UCK2: variants seen among roughly 807,000 people sequenced by gnomAD.
UCK2 encodes uridine-cytidine kinase 2.
A neutral mutation model predicts 30.8 loss-of-function variants in UCK2; 6 were observed. That is an observed-to-expected ratio of 0.19 (90% CI 0.11 to 0.38). The LOEUF (loss-of-function observed/expected upper bound fraction) is 0.38, where lower values mean the gene tolerates loss of function less well. Ranked by LOEUF, UCK2 falls within the 10% of genes least tolerant of loss-of-function variation. UCK2 has a pLI of 1.00. For synonymous variants in UCK2, 125 were observed against 133.6 expected (o/e 0.94, Z 0.45); for missense variants, 210 against 339.8 (o/e 0.62, Z 3.00).
chr1:165,895,602 C>G (rs1655877601), intron 3 of UCK2: 1 of 985,500 alleles, frequency 1.0e-6, no homozygotes, highest in African/African-American at 1.7e-5. Context: ...CCAGACCAGA[C>G]AGACGTCGGG....
At chr1:165,854,828 T>G (rs1450329695) in intron 1 of UCK2, among the ~76,000 whole-genome samples, 1 of 152,192 alleles carries the variant, frequency 6.6e-6, no homozygotes, top group African/African-American at 2.4e-5. Context: ...TGCTTTATTC[T>G]GGTCCTCTAA....
intron 1 of UCK2, among the ~76,000 whole-genome samples, chr1:165,857,069 C>G (rs16851839): frequency 0.046 from 7,001 of 152,168 alleles, 421 homozygotes; most frequent in African/African-American, 0.13. Context: ...ATCTTCACAT[C>G]TGCTTTCTCG....
chr1:165,907,572 C>A, intron 6 of UCK2, 112 bp from the exon 7 acceptor site: 2 of 1,447,494 alleles, frequency 1.4e-6, no homozygotes, highest in Non-Finnish European at 1.9e-6. Flanking sequence ...AGCCACTTCC[C>A]TGGAAGTCTT....
chr1:165,860,461 CT>C (rs964974616), intron 1 of UCK2, among the ~76,000 whole-genome samples: 1 of 151,954 alleles, frequency 6.6e-6, no homozygotes, highest in Non-Finnish European at 1.5e-5. Context: ...CAGGGTCTCA[CT>C]TTTTGAGACG....
At chr1:165,900,601 G>C (rs1324107667) in intron 4 of UCK2, 1 of 152,220 alleles carries the variant, frequency 6.6e-6, no homozygotes, top group Non-Finnish European at 1.5e-5. Context: ...TCTCTCCAGT[G>C]ACAAAACAGC....
At chr1:165,893,078 A>T (rs1655809765) in intron 3 of UCK2, among the ~76,000 whole-genome samples, 1 of 152,122 alleles carries the variant, frequency 6.6e-6, no homozygotes, top group South Asian at 2.1e-4. Context: ...AGGAGAGAGG[A>T]TCTGCAATGC....
At chr1:165,901,965 A>AAAT (rs61514166) in intron 4 of UCK2, among the ~76,000 whole-genome samples, 1 of 149,646 alleles carries the variant, frequency 6.7e-6, no homozygotes, top group African/African-American at 2.5e-5. Context: ...AAAAAAAAAA[A>AAAT]GGCTCACACC....
intron 1 of UCK2, among the ~76,000 whole-genome samples, chr1:165,839,358 C>T (rs892545377): frequency 4.6e-5 from 7 of 152,116 alleles, no homozygotes; most frequent in African/African-American, 1.7e-4. Flanking sequence ...TGTCTGACTA[C>T]AGAGGGATGA....
At chr1:165,841,550 T>C (rs1016506783) in intron 1 of UCK2, among the ~76,000 whole-genome samples, 2 of 152,198 alleles carry the variant, frequency 1.3e-5, no homozygotes, top group African/African-American at 4.8e-5. Flanking sequence ...TTCCTGCTCC[T>C]GAAAGAAAAG....
chr1:165,894,311 C>T (rs1655839176), intron 3 of UCK2: 1 of 152,160 alleles, frequency 6.6e-6, no homozygotes, highest in Non-Finnish European at 1.5e-5. Flanking sequence ...ACAAAGCCTT[C>T]CCACACTCTC....
chr1:165,834,596 A>G (rs1371508259), intron 1 of UCK2, among the ~76,000 whole-genome samples: 2 of 152,248 alleles, frequency 1.3e-5, no homozygotes, highest in Non-Finnish European at 2.9e-5. Flanking sequence ...ATGAGGGGGC[A>G]GTGGTTCTAA....
At chr1:165,827,962 T>G (rs1388889075) in intron 1 of UCK2, 30 bp downstream of exon 1, 6 of 1,296,138 alleles carry the variant, frequency 4.6e-6, no homozygotes, top group Non-Finnish European at 5.9e-6. Context: ...CGCGCTCCCT[T>G]CCCGGCTTCT....
At chr1:165,833,568 C>CT (rs1654108643) in intron 1 of UCK2, among the ~76,000 whole-genome samples, 1 of 152,134 alleles carries the variant, frequency 6.6e-6, no homozygotes, top group African/African-American at 2.4e-5. Context: ...GATGCTCACT[C>CT]TGTTTGTGGT....
At chr1:165,839,421 C>T (rs1175408432) in intron 1 of UCK2, among the ~76,000 whole-genome samples, 1 of 151,984 alleles carries the variant, frequency 6.6e-6, no homozygotes, top group Admixed American at 6.6e-5. Context: ...AGGAAGGGGT[C>T]AGGAGACATC....
chr1:165,880,175 C>T (rs936866536), intron 1 of UCK2, among the ~76,000 whole-genome samples: 1 of 152,216 alleles, frequency 6.6e-6, no homozygotes, highest in Non-Finnish European at 1.5e-5. Context: ...ATTGTGCTCT[C>T]TTGATCTATT....
chr1:165,868,402 T>A (rs1445051020), intron 1 of UCK2, among the ~76,000 whole-genome samples: 1 of 152,228 alleles, frequency 6.6e-6, no homozygotes, highest in Non-Finnish European at 1.5e-5. Flanking sequence ...TGCGAAAGTC[T>A]TAGATGGCAT....
At chr1:165,841,269 C>T (rs550124229) in intron 1 of UCK2, among the ~76,000 whole-genome samples, 10 of 152,008 alleles carry the variant, frequency 6.6e-5, no homozygotes, top group South Asian at 2.1e-4. Context: ...CTGCATCCTC[C>T]GCCTCCTAGG....
intron 1 of UCK2, among the ~76,000 whole-genome samples, chr1:165,858,802 A>T (rs1654817389): frequency 6.6e-6 from 1 of 152,142 alleles, no homozygotes; most frequent in Admixed American, 6.5e-5. Context: ...AAGAAAATGG[A>T]ATGCTGATGG....
chr1:165,835,555 G>A (rs1394972007), intron 1 of UCK2, among the ~76,000 whole-genome samples: 1 of 151,932 alleles, frequency 6.6e-6, no homozygotes, highest in Non-Finnish European at 1.5e-5. Context: ...AGTTGAAAAG[G>A]AAGTGATTTC....
Sources: allele counts gnomAD v4.1 joint callset (sites outside exome capture counted in the v4.1 genomes callset), GRCh38; gene constraint gnomAD v4.1.1; transcripts MANE v1.5; gene names NCBI Gene and HGNC (gene_info 2026-07-23, HGNC 2026-07-21).